The following NAV3 variants were observed in gnomAD, a reference collection of about 807,000 sequenced individuals.
The protein encoded by NAV3 is pore membrane and/or filament interacting like protein 1.
NAV3 carries 87 observed loss-of-function variants against 244.7 expected under a neutral mutation model. That is an observed-to-expected ratio of 0.36 (90% CI 0.30 to 0.42). The LOEUF (loss-of-function observed/expected upper bound fraction) is 0.42. Among genes scored for constraint, NAV3 ranks in the 20% least tolerant of loss-of-function variants. The pLI is 1.00. For synonymous variants in NAV3, 1,126 were observed against 1,042.2 expected, an observed-to-expected ratio of 1.08 and a Z score of -1.55; for missense variants, 2,663 against 2,893.3, an observed-to-expected ratio of 0.92 and a Z score of 1.83.
intron 2 of NAV3, among the ~76,000 whole-genome samples, chr12:77,612,852 G>T (rs575028752): frequency 1.3e-5 from 2 of 152,180 alleles, no homozygotes; most frequent in African/African-American, 4.8e-5. Flanking sequence ...GGAGATATTT[G>T]AATCATGGGG....
chr12:77,681,149 A>G (rs1018322163), intron 2 of NAV3, among the ~76,000 whole-genome samples: 1 of 152,170 alleles, frequency 6.6e-6, no homozygotes, highest in African/African-American at 2.4e-5. Flanking sequence ...AACCTATTAC[A>G]TCTTTTAATT....
At chr12:77,833,011 A>G (rs1006309482) in intron 1 of NAV3, among the ~76,000 whole-genome samples, 4 of 152,234 alleles carry the variant, frequency 2.6e-5, no homozygotes, top group Non-Finnish European at 5.9e-5. Context: ...TCCTTTTTCT[A>G]CAATGCCCAT....
At chr12:78,003,144 T>C (rs1378181632) in intron 7 of NAV3, among the ~76,000 whole-genome samples, 1 of 74,770 alleles carries the variant, frequency 1.3e-5, no homozygotes, top group Non-Finnish European at 3.6e-5. Flanking sequence ...AATTGATGAC[T>C]GAGGCAATAC....
chr12:77,786,187 G>T (rs1049024317), intron 2 of NAV3, among the ~76,000 whole-genome samples: 5 of 152,014 alleles, frequency 3.3e-5, no homozygotes, highest in Non-Finnish European at 7.4e-5. Context: ...ATTATATTAT[G>T]CCCCTAACTG....
At chr12:78,162,913 T>A (rs796205085) in intron 23 of NAV3, among the ~76,000 whole-genome samples, 79 of 111,958 alleles carry the variant, frequency 7.1e-4, no homozygotes, top group African/African-American at 2.1e-3. Context: ...AATATATATA[T>A]TATATAATAT....
chr12:77,637,139 T>TA (rs909234265), intron 2 of NAV3, among the ~76,000 whole-genome samples: 3 of 151,192 alleles, frequency 2.0e-5, no homozygotes, highest in Middle Eastern at 3.4e-3. Context: ...TAAAGTATAA[T>TA]AAAAAAAGGA....
chr12:77,828,290 G>T (rs1323142571), upstream of NAV3, among the ~76,000 whole-genome samples: 1 of 152,140 alleles, frequency 6.6e-6, no homozygotes, highest in African/African-American at 2.4e-5. Context: ...GCAGCAAGAA[G>T]ACCCTCACCA....
chr12:77,706,876 AAAAAAAAAAAAAAAAAACC>A (rs1875835712), intron 2 of NAV3, among the ~76,000 whole-genome samples: 1 of 147,416 alleles, frequency 6.8e-6, no homozygotes, highest in Non-Finnish European at 1.5e-5. Flanking sequence ...GTTTCAAAAA[AAAAAAAAAAAAAAAAAACC>A]AAAAAAAAAA....
intron 12 of NAV3, among the ~76,000 whole-genome samples, chr12:78,078,911 A>G (rs1409184888): frequency 6.6e-6 from 1 of 152,228 alleles, no homozygotes; most frequent in African/African-American, 2.4e-5. Context: ...ATTTAGAAAA[A>G]TCAAATTATA....
intron 1 of NAV3, among the ~76,000 whole-genome samples, chr12:77,924,059 C>T (rs1383650134): frequency 6.6e-6 from 1 of 152,132 alleles, no homozygotes; most frequent in Non-Finnish European, 1.5e-5. Flanking sequence ...GCTGCTCTAA[C>T]AAACTCCTGA....
chr12:78,105,864 T>G (rs934285048), intron 12 of NAV3, among the ~76,000 whole-genome samples: 3 of 151,714 alleles, frequency 2.0e-5, no homozygotes, highest in Non-Finnish European at 4.4e-5. Flanking sequence ...TGGAATTGAA[T>G]TTGGCATATG....
At chr12:77,680,538 A>T (rs571715510) in intron 2 of NAV3, among the ~76,000 whole-genome samples, 1 of 152,300 alleles carries the variant, frequency 6.6e-6, no homozygotes, top group African/African-American at 2.4e-5. Context: ...TTCAGCTTTC[A>T]CACTTAAGCC....
upstream of NAV3, chr12:77,830,757 T>G (rs1873527525): frequency 6.6e-6 from 1 of 152,244 alleles, no homozygotes; most frequent in Admixed American, 6.5e-5. Flanking sequence ...ACAACTTTAT[T>G]GCTGAGATTG....
chr12:77,854,581 GTGTGTA>G (rs1278736878), intron 1 of NAV3, among the ~76,000 whole-genome samples: 17,575 of 79,668 alleles, frequency 0.22, 1,181 homozygotes, highest in East Asian at 0.45. Context: ...TTGTGTGTAT[GTGTGTA>G]TGTGTGTGTG....
rs779577210 is a variant in NAV3, at chr12:77,968,572, C to G, written c.541C>G (p.Arg181Gly). 1 of 1,614,006 alleles carries G rather than the reference C, an allele frequency of 6.2e-7. No individual in the cohort carries two copies. The highest frequency in any genetic ancestry group is 8.5e-7 in the Non-Finnish European group (1 of 1,179,954). Reference sequence around the variant, plus strand: ...TCTAGGGCTGTTTTTCAGTTTATCTCGCTACAAGCAGCAACAACACCATCA... The same window carrying G: ...TCTAGGGCTGTTTTTCAGTTTATCTGGCTACAAGCAGCAACAACACCATCA... ...AILGLFFSLS[R>G]YKQQQHHQQQ... Residue 181 changes from arginine to glycine, a missense_variant, in exon 5 of 40, where the codon CGC (arginine) becomes GGC (glycine). Transcript: ENST00000397909.
intron 1 of NAV3, among the ~76,000 whole-genome samples, chr12:77,918,721 T>C (rs1207932316): frequency 6.6e-6 from 1 of 152,022 alleles, no homozygotes; most frequent in African/African-American, 2.4e-5. Flanking sequence ...CTTGCCTCCA[T>C]ATGGTCATCA....
At position 77,942,319 on chromosome 12, in the gene NAV3, C is replaced by T. The variant is rs553270918; in HGVS notation, c.414+1186C>T. The stretch of plus-strand genomic sequence containing the variant: ...CCAGGGAGGCGGAGGTTATGGTGAG[C>T]GAGGATTGTGCCATTGCACTCCGGC... On this transcript the variant is annotated intron_variant, in intron 3 of 39. Coordinates refer to ENST00000397909, the MANE Select transcript of NAV3 (RefSeq NM_001024383.2). Among the ~76,000 whole-genome samples, 6 of 151,848 alleles carry T rather than the reference C, an allele frequency of 4.0e-5. 1 individual carries two copies. In the East Asian group the frequency reaches 7.8e-4, roughly 20 times the overall value.
chr12:77,795,114 G>A (rs890964877), intron 2 of NAV3, among the ~76,000 whole-genome samples: 4 of 152,126 alleles, frequency 2.6e-5, no homozygotes, highest in Admixed American at 1.3e-4. Flanking sequence ...GGCTTAATGA[G>A]CCAGTTAGCC....
At chr12:78,032,417 T>G (rs980996310) in intron 9 of NAV3, among the ~76,000 whole-genome samples, 4 of 152,204 alleles carry the variant, frequency 2.6e-5, no homozygotes, top group African/African-American at 9.6e-5. Context: ...ATATCAGAAA[T>G]GCATGACACT....
Sources: allele counts gnomAD v4.1 joint callset (sites outside exome capture counted in the v4.1 genomes callset), GRCh38; gene constraint gnomAD v4.1.1; transcripts MANE v1.5; gene names NCBI Gene and HGNC (gene_info 2026-07-23, HGNC 2026-07-21).